Variants in NAT10 observed in about 807,000 individuals in gnomAD.
The protein encoded by NAT10 is RNA cytidine acetyltransferase.
In NAT10, 109 loss-of-function variants were observed where a neutral mutation model predicts 132.2. That is an observed-to-expected ratio of 0.82 (90% confidence interval 0.71 to 0.97). The LOEUF (loss-of-function observed/expected upper bound fraction) is 0.97, where lower values mean the gene tolerates loss of function less well. Among genes scored for constraint, NAT10 ranks in the 50% least tolerant of loss-of-function variants. The probability of loss-of-function intolerance (pLI) is 0.00; values close to 1 mark genes in which losing one functional copy is unlikely to be tolerated. For missense variants in NAT10, 1,184 were observed against 1,263.4 expected (o/e 0.94, Z 0.95); for synonymous variants, 479 against 478.0 (o/e 1.00, Z -0.03).
intron 21 of NAT10, 199 bp from the exon 22 acceptor site, chr11:34,138,991 GC>G: frequency 1.8e-6 from 1 of 570,500 alleles, no homozygotes; most frequent in Non-Finnish European, 3.2e-6. Context: ...GATCTTTGCA[GC>G]TGTTGTGTGT....
chr11:34,108,669 A>G, intron 2 of NAT10, 73 bp from the exon 3 acceptor site: 1 of 1,380,062 alleles, frequency 7.2e-7, no homozygotes, highest in Admixed American at 2.0e-5. Context: ...ACATCCGTCA[A>G]ATGAGGTCTT....
At position 34,115,872 on chromosome 11, in the gene NAT10, G is replaced by A. The variant is rs1423298266; in HGVS notation, c.545G>A (p.Arg182Lys). 1.2e-6 allele frequency: 2 copies of A among 1,614,030 alleles called. No homozygotes were observed. The highest frequency in any genetic ancestry group is 1.7e-5 in the Admixed American group (1 of 59,996). ...RTEAHQDVVG[R>K]FNERFILSLA... ...GAGGCCCATCAGGATGTGGTGGGAA[G>A]ATTTAATGAAAGGTAATTCTATAGT... The change falls in exon 6 of 29, where the codon AGA (arginine) becomes AAA (lysine). Residue 182 changes from arginine (R) to lysine (K), a missense_variant. Transcript: ENST00000257829.
chr11:34,141,253 G>T (rs1171560856), intron 25 of NAT10, 45 bp downstream of exon 25: 1 of 1,610,166 alleles, frequency 6.2e-7, no homozygotes, highest in East Asian at 2.2e-5. Context: ...CTCAAATAGT[G>T]CAACAAACCC....
intron 17 of NAT10, 23 bp downstream of exon 17, chr11:34,134,443 T>C (rs754096653): frequency 6.2e-7 from 1 of 1,613,542 alleles, no homozygotes; most frequent in Non-Finnish European, 8.5e-7. Context: ...CCCTGGTGTG[T>C]CTGAGGGAAG....
chr11:34,134,786 C>G (rs577949739), intron 18 of NAT10, among the ~76,000 whole-genome samples, 200 bp downstream of exon 18: 1 of 152,136 alleles, frequency 6.6e-6, no homozygotes, highest in Non-Finnish European at 1.5e-5. Context: ...TTTGTGAGAA[C>G]GAGGACTTGT....
At chr11:34,145,074 G>T (rs1237048962) in intron 28 of NAT10, among the ~76,000 whole-genome samples, 1 of 152,238 alleles carries the variant, frequency 6.6e-6, no homozygotes, top group Non-Finnish European at 1.5e-5. Context: ...TATGGCAAAT[G>T]TAGCACAGGG....
At chr11:34,141,912 A>G in intron 26 of NAT10, 95 bp downstream of exon 26, 1 of 1,035,952 alleles carries the variant, frequency 9.7e-7, no homozygotes, top group Non-Finnish European at 1.5e-6. Context: ...CTTTAGAAAG[A>G]GTCCTCTGCA....
At position 34,108,342 on chromosome 11, in the gene NAT10, T is replaced by C. The variant is rs1330750691; in HGVS notation, c.108+9T>C. 1.3e-6 allele frequency: 2 copies of C among 1,593,904 alleles called. No homozygotes were observed. Among genetic ancestry groups the C allele is most frequent in the South Asian group, 2.2e-5 (2 of 90,438 alleles). ...ATCGAGGAAAAGATCAGGTATGGCC[T>C]GGTAAATGCTTCCTGAATTACTTTT... On this transcript the variant is annotated intron_variant, in intron 2 of 28. Transcript: ENST00000257829.
chr11:34,131,268 A>G (rs751081579), intron 13 of NAT10, 113 bp from the exon 14 acceptor site: 1 of 1,400,860 alleles, frequency 7.1e-7, no homozygotes, highest in Non-Finnish European at 9.6e-7. Flanking sequence ...TTCTTACCAC[A>G]CGTCTCTGGC....
At chr11:34,107,259 C>T (rs1395603043) in intron 1 of NAT10, 1 of 152,136 alleles carries the variant, frequency 6.6e-6, no homozygotes, top group African/African-American at 2.4e-5. Context: ...CCACCCGCCT[C>T]GGCCTCCCAA....
At chr11:34,141,331 A>G (rs1852324964) in intron 25 of NAT10, 123 bp downstream of exon 25, 2 of 1,311,950 alleles carry the variant, frequency 1.5e-6, no homozygotes, top group East Asian at 4.9e-5. Context: ...TCACACACAC[A>G]CACACACACA....
Position 34,146,130 on chromosome 11 carries a change from A to C in NAT10, c.3016A>C (p.Lys1006Gln). ...LEAKQEPKQS[K>Q]KLKNRETKNK... is the part of the protein sequence containing the mutation. ...GGCCAAACAAGAACCCAAACAGAGC[A>C]AGAAGTTGAAGAACAGAGAGACAAA... The change falls in exon 29 of 29, where the codon AAG becomes CAG. Residue 1006 changes from lysine (K) to glutamine (Q), a missense_variant. By Grantham distance (53) the Lys-to-Gln change is moderately conservative. Transcript: ENST00000257829. The C allele has an allele frequency of 6.2e-7, 1 of 1,610,804 alleles. No homozygotes were observed. The highest frequency in any genetic ancestry group is 8.5e-7 in the Non-Finnish European group (1 of 1,179,000).
At position 34,118,380 on chromosome 11, in the gene NAT10, C is replaced by T; in HGVS notation, c.673-16C>T. On this transcript the variant is annotated splice_polypyrimidine_tract_variant and intron_variant, in intron 7 of 28. Coordinates refer to ENST00000257829, the MANE Select transcript of NAT10 (RefSeq NM_024662.3). ...TGTGACAGTGACAGACCTTCCCCTTCTCCTCTCTCTGGTAGGATGAGAGTC... is the reference window on the plus strand; with the variant it reads ...TGTGACAGTGACAGACCTTCCCCTTTTCCTCTCTCTGGTAGGATGAGAGTC... 6.2e-7 allele frequency: 1 copy of T among 1,612,868 alleles called. No individual in the cohort carries two copies. Among genetic ancestry groups the T allele is most frequent in the South Asian group, 1.1e-5 (1 of 90,992 alleles).
chr11:34,108,720 C>A, intron 2 of NAT10, 22 bp from the exon 3 acceptor site: 1 of 1,598,598 alleles, frequency 6.3e-7, no homozygotes, highest in Non-Finnish European at 8.5e-7. Flanking sequence ...GCCTGAAATT[C>A]TGTGACTTTT....
At chr11:34,139,625 A>G in intron 23 of NAT10, 130 bp downstream of exon 23, 2 of 754,016 alleles carry the variant, frequency 2.7e-6, no homozygotes, top group South Asian at 3.3e-5. Flanking sequence ...CTCGCTGGTC[A>G]CCACCCGCTT....
Position 34,108,801 on chromosome 11 carries a change from G to C in NAT10, c.168G>C (p.Leu56=). 1 of 1,613,964 alleles carries C rather than the reference G, an allele frequency of 6.2e-7. No individual in the cohort carries two copies. The highest frequency in any genetic ancestry group is 1.1e-5 in the South Asian group (1 of 91,032). ...CTGTGAAGGCTCGGCCTTCAGTGCT[G>C]TGGTGTTATAAGAAAGAGCTGGGGT... ...KATVKARPSV[L]WCYKKELGFS... is the part of the protein sequence containing the mutation. The change falls in exon 3 of 29, where the codon CTG becomes CTC. Residue 56 remains leucine (L), a synonymous_variant. Transcript: ENST00000257829.
At chr11:34,134,443 T>A (rs754096653) in intron 17 of NAT10, 23 bp downstream of exon 17, 2 of 1,613,542 alleles carry the variant, frequency 1.2e-6, no homozygotes, top group Admixed American at 3.3e-5. Flanking sequence ...CCCTGGTGTG[T>A]CTGAGGGAAG....
chr11:34,141,857 C>T (rs1457319933), intron 26 of NAT10, 40 bp downstream of exon 26: 1 of 1,535,114 alleles, frequency 6.5e-7, no homozygotes, highest in Admixed American at 1.7e-5. Flanking sequence ...CCAGCATTTC[C>T]ATCAGTTGCC....
intron 11 of NAT10, among the ~76,000 whole-genome samples, chr11:34,124,719 T>C (rs1851955740): frequency 6.6e-6 from 1 of 152,260 alleles, no homozygotes; most frequent in Non-Finnish European, 1.5e-5. Flanking sequence ...TGCTTAGTTA[T>C]TGCAGTTTTT....
Sources: allele counts gnomAD v4.1 joint callset (sites outside exome capture counted in the v4.1 genomes callset), GRCh38; gene constraint gnomAD v4.1.1; transcripts MANE v1.5; gene names NCBI Gene and HGNC (gene_info 2026-07-23, HGNC 2026-07-21).